Variants in GALNT13 observed in about 807,000 individuals in gnomAD.
The protein encoded by GALNT13 is UDP-GalNAc:polypeptide N-acetylgalactosaminyltransferase 13.
A neutral mutation model predicts 64.2 loss-of-function variants in GALNT13; 28 were observed. That is an observed-to-expected ratio of 0.44 (90% CI 0.32 to 0.60). GALNT13 has a LOEUF of 0.60. Among genes scored for constraint, GALNT13 ranks in the 20% least tolerant of loss-of-function variants. The pLI is 0.05. For synonymous variants in GALNT13, 214 were observed against 224.6 expected (o/e 0.95, Z 0.42); for missense variants, 577 against 669.8 (o/e 0.86, Z 1.53).
chr2:153,235,275 A>C, the GALNT13 span, among the ~76,000 whole-genome samples: 1 of 152,162 alleles, frequency 6.6e-6, no homozygotes. Flanking sequence ...ACTTTGCTGC[A>C]CAAAAGAATT....
intron 4 of GALNT13, among the ~76,000 whole-genome samples, chr2:154,150,168 G>T (rs141018919): frequency 0.053 from 8,038 of 151,960 alleles, 293 homozygotes; most frequent in South Asian, 0.11. Context: ...AGGCCTTTTC[G>T]GCATCTATTG....
chr2:153,908,352 C>G (rs1429836597), intron 2 of GALNT13, among the ~76,000 whole-genome samples: 3 of 152,072 alleles, frequency 2.0e-5, no homozygotes, highest in Non-Finnish European at 4.4e-5. Flanking sequence ...TCTGCTTACT[C>G]TGTTGATAGT....
chr2:154,115,437 T>C (rs1263864174), intron 3 of GALNT13, among the ~76,000 whole-genome samples: 1 of 152,132 alleles, frequency 6.6e-6, no homozygotes, highest in Non-Finnish European at 1.5e-5. Context: ...TTATTTTTTT[T>C]TGAGATAGAG....
intron 12 of GALNT13, among the ~76,000 whole-genome samples, chr2:154,440,427 G>T: frequency 6.6e-6 from 1 of 151,128 alleles, no homozygotes. Context: ...CAATGCTATT[G>T]AATACTAAGG....
At chr2:153,631,379 T>C in the GALNT13 span, among the ~76,000 whole-genome samples, 8 of 152,200 alleles carry the variant, frequency 5.3e-5, no homozygotes, top group Non-Finnish European at 8.8e-5. Flanking sequence ...CTGTGAGGAA[T>C]CACCACACTG....
the GALNT13 span, among the ~76,000 whole-genome samples, chr2:153,583,815 C>T: frequency 2.0e-5 from 3 of 152,300 alleles, no homozygotes; most frequent in East Asian, 5.8e-4. Flanking sequence ...GAAACTTGTG[C>T]AGCACTTGAA....
the GALNT13 span, among the ~76,000 whole-genome samples, chr2:153,797,899 T>A: frequency 6.6e-6 from 1 of 152,158 alleles, no homozygotes; most frequent in Admixed American, 6.5e-5. Context: ...ATGCCTTCTA[T>A]ATTTTACTGT....
intron 1 of GALNT13, among the ~76,000 whole-genome samples, chr2:153,899,577 C>T (rs1432936000): frequency 6.6e-6 from 1 of 152,004 alleles, no homozygotes. Flanking sequence ...ATCATTTATT[C>T]ATGGGCCAGG....
At chr2:153,317,836 C>T in the GALNT13 span, among the ~76,000 whole-genome samples, 1 of 151,974 alleles carries the variant, frequency 6.6e-6, no homozygotes, top group African/African-American at 2.4e-5. Context: ...CCTATTATTA[C>T]TAGTTTTTTC....
the GALNT13 span, among the ~76,000 whole-genome samples, chr2:153,302,552 G>A: frequency 1.3e-5 from 2 of 152,008 alleles, no homozygotes; most frequent in Admixed American, 1.3e-4. Context: ...TTTCTTGGCT[G>A]TTCAGAAGCT....
chr2:153,405,414 C>T, the GALNT13 span, among the ~76,000 whole-genome samples: 1 of 152,160 alleles, frequency 6.6e-6, no homozygotes, highest in Admixed American at 6.5e-5. Context: ...ATCTTCATGC[C>T]TTTGCATCCA....
chr2:153,583,507 G>C, the GALNT13 span, among the ~76,000 whole-genome samples: 2 of 152,194 alleles, frequency 1.3e-5, no homozygotes, highest in Non-Finnish European at 2.9e-5. Context: ...AGCAGCTTGT[G>C]TGTCATCCAG....
At chr2:154,157,646 A>C (rs1684497351) in intron 4 of GALNT13, among the ~76,000 whole-genome samples, 1 of 152,188 alleles carries the variant, frequency 6.6e-6, no homozygotes, top group African/African-American at 2.4e-5. Flanking sequence ...TTCTTATTCC[A>C]AAAAGTTCTT....
the GALNT13 span, among the ~76,000 whole-genome samples, chr2:153,101,707 TA>T: frequency 6.6e-6 from 1 of 152,202 alleles, no homozygotes; most frequent in Non-Finnish European, 1.5e-5. Context: ...TTTGAGATAT[TA>T]AAAAATAGGC....
the GALNT13 span, among the ~76,000 whole-genome samples, chr2:153,629,093 G>A: frequency 6.6e-6 from 1 of 152,060 alleles, no homozygotes; most frequent in Admixed American, 6.6e-5. Flanking sequence ...ATGTGTCGAG[G>A]AATTTATCCA....
the GALNT13 span, among the ~76,000 whole-genome samples, chr2:153,257,329 C>A: frequency 2.0e-5 from 3 of 152,024 alleles, no homozygotes; most frequent in African/African-American, 7.2e-5. Flanking sequence ...GGTGCGCGCA[C>A]CCACTGACCT....
At chr2:153,610,645 G>GGT in the GALNT13 span, among the ~76,000 whole-genome samples, 1 of 151,676 alleles carries the variant, frequency 6.6e-6, no homozygotes, top group Non-Finnish European at 1.5e-5. Flanking sequence ...ACTGCACTGG[G>GGT]GTGCACAGAA....
At chr2:153,716,457 A>G in the GALNT13 span, among the ~76,000 whole-genome samples, 1 of 152,064 alleles carries the variant, frequency 6.6e-6, no homozygotes, top group African/African-American at 2.4e-5. Context: ...GAAACCAAAG[A>G]TTGGACACCC....
chr2:153,858,029 T>C, the GALNT13 span, among the ~76,000 whole-genome samples: 1 of 152,156 alleles, frequency 6.6e-6, no homozygotes, highest in South Asian at 2.1e-4. Context: ...ATAGGATATA[T>C]AAGTAAAATC....
Sources: allele counts gnomAD v4.1 joint callset (sites outside exome capture counted in the v4.1 genomes callset), GRCh38; gene constraint gnomAD v4.1.1; transcripts MANE v1.5; gene names NCBI Gene and HGNC (gene_info 2026-07-23, HGNC 2026-07-21).